The following DOK5 variants were observed in gnomAD, a reference collection of about 807,000 sequenced individuals.
DOK5 encodes docking protein 5.
DOK5 carries 27 observed loss-of-function variants against 43.3 expected under a neutral mutation model. The observed-to-expected ratio is 0.62, with a 90% CI of 0.46 to 0.86. The LOEUF is 0.86. Ranked by LOEUF, DOK5 falls within the 40% of genes least tolerant of loss-of-function variation. The pLI is 0.00. For missense variants in DOK5, 373 were observed against 392.9 expected (o/e 0.95, Z 0.43); for synonymous variants, 146 against 140.1 (o/e 1.04, Z -0.30).
chr20:54,491,966 GAAAA>G (rs986080287), intron 1 of DOK5, among the ~76,000 whole-genome samples: 18 of 151,410 alleles, frequency 1.2e-4, no homozygotes, highest in African/African-American at 4.1e-4. Context: ...GAAAGAAAGA[GAAAA>G]AGAAAGAAAG....
chr20:54,531,731 C>A (rs764482754), intron 1 of DOK5, among the ~76,000 whole-genome samples: 2 of 152,162 alleles, frequency 1.3e-5, no homozygotes, highest in Admixed American at 6.5e-5. Context: ...TATGTGAATG[C>A]CACTGGCTCT....
chr20:54,650,649 C>T lies in DOK5; in HGVS notation c.*170C>T. Reference sequence around the variant, plus strand: ...GCAATACAATAATTTTCTTTATTTTCTTTTTCTTTTTTAAATTCTTAGTGT... The same window carrying T: ...GCAATACAATAATTTTCTTTATTTTTTTTTTCTTTTTTAAATTCTTAGTGT... On this transcript the variant is annotated 3_prime_UTR_variant, in exon 8 of 8. Transcript: ENST00000262593. The T allele has an allele frequency of 5.3e-6, 3 of 565,012 alleles. No homozygotes were observed. Among genetic ancestry groups the T allele is most frequent in the South Asian group, 5.4e-5 (2 of 36,820 alleles). 35.0% of individuals were successfully genotyped at this position (565,012 alleles called of 1,614,324 possible).
At chr20:54,626,199 G>A (rs966543456) in intron 6 of DOK5, among the ~76,000 whole-genome samples, 1 of 152,194 alleles carries the variant, frequency 6.6e-6, no homozygotes, top group African/African-American at 2.4e-5. Flanking sequence ...ATACATGGAT[G>A]GGATGAGGGA....
chr20:54,642,542 A>T (rs1243829894), intron 6 of DOK5, among the ~76,000 whole-genome samples: 1 of 110,460 alleles, frequency 9.1e-6, no homozygotes, highest in African/African-American at 3.7e-5. Flanking sequence ...CATCTCTACT[A>T]AAAATACAAA....
intron 6 of DOK5, among the ~76,000 whole-genome samples, chr20:54,611,167 T>C (rs558388966): frequency 4.6e-5 from 7 of 152,278 alleles, no homozygotes; most frequent in South Asian, 2.1e-4. Context: ...CATCGGTATA[T>C]AAAGATGCCC....
chr20:54,478,108 C>T (rs926483391), intron 1 of DOK5, among the ~76,000 whole-genome samples: 13 of 152,200 alleles, frequency 8.5e-5, no homozygotes, highest in African/African-American at 3.1e-4. Context: ...GGTTATTGCT[C>T]ATGGAGAGAA....
In DOK5 at chr20:54,576,636, A is replaced by C. The variant is rs569367973; in HGVS notation, c.175-11847A>C. On this transcript the variant is annotated intron_variant, in intron 2 of 7. Coordinates refer to ENST00000262593, the MANE Select transcript of DOK5 (RefSeq NM_018431.5). The stretch of plus-strand genomic sequence containing the variant: ...GGTCTTGAGATTTCTGTTCTTTACT[A>C]TATGTGCTTTGCCACAGGACCTGGC... Among the ~76,000 whole-genome samples the C allele has an allele frequency of 2.0e-5, 3 of 152,256 alleles. No individual in the cohort carries two copies. The Middle Eastern group carries it at 0.01, about 518-fold the overall frequency.
chr20:54,610,630 G>C, intron 6 of DOK5, 107 bp downstream of exon 6: 1 of 1,197,660 alleles, frequency 8.3e-7, no homozygotes, highest in Non-Finnish European at 1.1e-6. Flanking sequence ...GCAGATGACT[G>C]ATTCCTCTTC....
At chr20:54,489,265 G>A (rs1982067554) in intron 1 of DOK5, among the ~76,000 whole-genome samples, 2 of 152,054 alleles carry the variant, frequency 1.3e-5, no homozygotes, top group East Asian at 1.9e-4. Flanking sequence ...TACAAAATTC[G>A]AGGATACAAA....
At chr20:54,519,111 A>T (rs990859203) in intron 1 of DOK5, among the ~76,000 whole-genome samples, 5 of 152,238 alleles carry the variant, frequency 3.3e-5, no homozygotes, top group Non-Finnish European at 7.3e-5. Context: ...CCCTATTTTC[A>T]ATGAGAAGTT....
At chr20:54,557,546 G>A (rs534256731) in intron 2 of DOK5, among the ~76,000 whole-genome samples, 4 of 152,256 alleles carry the variant, frequency 2.6e-5, no homozygotes, top group Admixed American at 6.5e-5. Flanking sequence ...ATGCGATCAC[G>A]CGATTTGATT....
At chr20:54,630,084 G>T (rs2146815318) in intron 6 of DOK5, among the ~76,000 whole-genome samples, 1 of 152,266 alleles carries the variant, frequency 6.6e-6, no homozygotes, top group South Asian at 2.1e-4. Flanking sequence ...CTTTCGAATT[G>T]ATCACCCTGG....
intron 6 of DOK5, among the ~76,000 whole-genome samples, chr20:54,626,834 A>G: frequency 6.6e-6 from 1 of 152,250 alleles, no homozygotes; most frequent in Non-Finnish European, 1.5e-5. Flanking sequence ...GTACAGTTGT[A>G]ATTCAGAGGT....
chr20:54,512,743 C>T (rs540059984), intron 1 of DOK5, among the ~76,000 whole-genome samples: 2 of 152,322 alleles, frequency 1.3e-5, no homozygotes, highest in East Asian at 1.9e-4. Context: ...TATTAGTCTT[C>T]GGCCTCAGTC....
chr20:54,551,334 T>C (rs1984522903), intron 1 of DOK5, among the ~76,000 whole-genome samples: 1 of 152,220 alleles, frequency 6.6e-6, no homozygotes, highest in Non-Finnish European at 1.5e-5. Flanking sequence ...ACACATCTTT[T>C]CTTCCAGTCT....
chr20:54,501,330 G>T (rs1472656317), intron 1 of DOK5, among the ~76,000 whole-genome samples: 1 of 151,828 alleles, frequency 6.6e-6, no homozygotes, highest in Non-Finnish European at 1.5e-5. Context: ...AGCTGGGCGT[G>T]GTGGTGGGCG....
intron 5 of DOK5, among the ~76,000 whole-genome samples, chr20:54,595,024 G>T (rs1052289619): frequency 2.6e-5 from 4 of 151,920 alleles, no homozygotes; most frequent in African/African-American, 9.7e-5. Flanking sequence ...TGGGGTGTGT[G>T]TGTATGTGAT....
chr20:54,616,770 C>CTTTTTT (rs768379251), intron 6 of DOK5, among the ~76,000 whole-genome samples: 39 of 120,618 alleles, frequency 3.2e-4, no homozygotes, highest in African/African-American at 5.5e-4. Flanking sequence ...GATCCACTTT[C>CTTTTTT]TTTTTTTTTT....
chr20:54,487,002 A>G (rs1981961340), intron 1 of DOK5, among the ~76,000 whole-genome samples: 1 of 152,156 alleles, frequency 6.6e-6, no homozygotes, highest in African/African-American at 2.4e-5. Flanking sequence ...CTTCTATGAT[A>G]TATTTTTGTA....
Sources: gnomAD v4.1 joint callset for allele counts (sites outside exome capture counted in the v4.1 genomes callset) on GRCh38, gnomAD v4.1.1 for gene constraint, MANE v1.5 for transcripts, NCBI Gene and HGNC (gene_info 2026-07-23, HGNC 2026-07-21) for gene names.